ESPN: variants seen among roughly 807,000 people sequenced by gnomAD.
The protein encoded by ESPN is autosomal recessive deafness type 36 protein.
ESPN carries 68 observed loss-of-function variants against 77.7 expected under a neutral mutation model. That is an observed-to-expected ratio of 0.87 (90% CI 0.72 to 1.07). The LOEUF (loss-of-function observed/expected upper bound fraction) is 1.07, where lower values mean the gene tolerates loss of function less well. ESPN is among the 50% of genes least tolerant of loss of function. The probability of loss-of-function intolerance (pLI) is 0.00; values close to 1 mark genes in which losing one functional copy is unlikely to be tolerated. For missense variants in ESPN, 1,060 were observed against 1,239.0 expected, an observed-to-expected ratio of 0.86 and a Z score of 2.17; for synonymous variants, 449 against 567.1, an observed-to-expected ratio of 0.79 and a Z score of 2.96.
chr1:6,426,735 G>A (rs1469018395), intron 1 of ESPN, among the ~76,000 whole-genome samples: 2 of 152,270 alleles, frequency 1.3e-5, no homozygotes, highest in East Asian at 3.9e-4. Flanking sequence ...GCCTTTCTCA[G>A]GAGCTGGGGC....
chr1:6,442,223 G>T (rs1223221622), intron 5 of ESPN, among the ~76,000 whole-genome samples: 1 of 152,164 alleles, frequency 6.6e-6, no homozygotes, highest in African/African-American at 2.4e-5. Flanking sequence ...ACTTAGGCAG[G>T]CACCCTGCCG....
At chr1:6,435,847 G>T (rs1306100330) in intron 2 of ESPN, among the ~76,000 whole-genome samples, 2 of 152,252 alleles carry the variant, frequency 1.3e-5, no homozygotes, top group Admixed American at 6.5e-5. Context: ...CCAGGCACCA[G>T]GCCTGTGCTC....
Position 6,428,214 on chromosome 1 carries a change from C to G in ESPN, c.295-12C>G, listed in dbSNP as rs775353137. The G allele has an allele frequency of 2.5e-6, 4 of 1,613,478 alleles. No individual in the cohort carries two copies. In the East Asian group the frequency reaches 8.9e-5, roughly 36 times the overall value. ...ACAGGCTTTAGGACTTGAACCAGCT[C>G]TCCTCCCACAGGACAAAGACAATTC... is the stretch of plus-strand genomic sequence containing the variant. On this transcript the variant is annotated splice_polypyrimidine_tract_variant and intron_variant, in intron 1 of 12. Transcript: ENST00000645284. The surrounding 1 kb of genome is among the most constrained non-coding windows in gnomAD (Gnocchi z 5.4).
intron 10 of ESPN, chr1:6,456,382 G>A (rs554452425): frequency 2.7e-4 from 101 of 376,498 alleles, no homozygotes; most frequent in African/African-American, 1.2e-3. Context: ...GCTGTGGGGC[G>A]TTGGTCGGAT....
In ESPN at chr1:6,451,586, C is replaced by A; in HGVS notation, c.1916-17C>A. ...AGCCCCACCCTGGCCAGTGCCTCAT[C>A]TCCTGCCTCCGCATAGGCACCAAGT... On this transcript the variant is annotated splice_polypyrimidine_tract_variant and intron_variant, in intron 8 of 12. Coordinates refer to ENST00000645284, the MANE Select transcript of ESPN (RefSeq NM_031475.3). The surrounding 1 kb of genome is among the most constrained non-coding windows in gnomAD (Gnocchi z 4.3). 2 of 1,611,010 alleles carry A rather than the reference C, an allele frequency of 1.2e-6. No homozygotes were observed. The highest frequency in any genetic ancestry group is 1.3e-5 in the African/African-American group (1 of 75,032).
In ESPN at chr1:6,449,096, G is replaced by GT. The variant is rs1161234294; in HGVS notation, c.1915+6dup. On this transcript the variant is annotated splice_donor_region_variant and intron_variant, in intron 8 of 12. Coordinates refer to ENST00000645284, the MANE Select transcript of ESPN (RefSeq NM_031475.3). The stretch of plus-strand genomic sequence containing the variant: ...GCTCCTCCTCGTCCACCGGCAGTGA[G>GT]TAGGGGCAGGTTGAGGGGCGTGGGG... 5 of 1,479,714 alleles carry GT rather than the reference G, an allele frequency of 3.4e-6. No individual in the cohort carries two copies. Among genetic ancestry groups the GT allele is most frequent in the Non-Finnish European group, 4.5e-6 (5 of 1,121,918 alleles). 91.7% of individuals were successfully genotyped at this position (1,479,714 alleles called of 1,614,324 possible).
intron 7 of ESPN, 161 bp from the exon 8 acceptor site, chr1:6,448,480 C>T (rs1643889015): frequency 3.4e-6 from 2 of 589,056 alleles, no homozygotes; most frequent in South Asian, 2.2e-5. Flanking sequence ...GACCCTCGCC[C>T]GCTGCCCACT....
intron 1 of ESPN, among the ~76,000 whole-genome samples, chr1:6,425,852 A>G (rs1434148208): frequency 2.0e-5 from 3 of 152,184 alleles, no homozygotes; most frequent in Non-Finnish European, 4.4e-5. Context: ...AGTGACCTCC[A>G]AGGGGAGTCC....
chr1:6,431,693 G>T (rs1336206180), intron 2 of ESPN, among the ~76,000 whole-genome samples: 8 of 141,164 alleles, frequency 5.7e-5, no homozygotes, highest in Admixed American at 4.9e-4. Flanking sequence ...GGAAAGAAAA[G>T]AAAGAAAAGA....
At chr1:6,449,423 G>A (rs1337751368) in intron 8 of ESPN, among the ~76,000 whole-genome samples, 2 of 152,190 alleles carry the variant, frequency 1.3e-5, no homozygotes, top group Non-Finnish European at 2.9e-5. Context: ...CAGCTCTGGC[G>A]CTGGTGTTTC....
chr1:6,425,643 G>A (rs1643009202), intron 1 of ESPN, among the ~76,000 whole-genome samples: 1 of 152,258 alleles, frequency 6.6e-6, no homozygotes, highest in South Asian at 2.1e-4. Flanking sequence ...AGGAGGCTGG[G>A]CAAAGTCCCA....
chr1:6,441,172 G>A, intron 5 of ESPN, 107 bp downstream of exon 5: 5 of 1,468,414 alleles, frequency 3.4e-6, no homozygotes, highest in East Asian at 2.5e-5. Flanking sequence ...GTTCAGGGAC[G>A]TGAAGCCCGC....
At chr1:6,446,008 C>T (rs905134291) in intron 7 of ESPN, 73 bp downstream of exon 7, 105 of 1,477,870 alleles carry the variant, frequency 7.1e-5, no homozygotes, top group Non-Finnish European at 8.7e-5. Flanking sequence ...AGGCCAAAGG[C>T]CTGGCCTCAC....
Position 6,457,409 on chromosome 1 carries a change from C to G in ESPN, c.2417+37C>G, listed in dbSNP as rs188894254. 288 of 1,614,158 alleles carry G rather than the reference C, an allele frequency of 1.8e-4. No individual in the cohort carries two copies. The African/African-American group carries it at 3.3e-3, about 18-fold the overall frequency. On this transcript the variant is annotated intron_variant, in intron 12 of 12. Transcript: ENST00000645284. ...GCTGGCCCCAACCTGCCACCCTTATCCCCACCCAAGTCGCAGAGGGTCGTC... is the reference window on the plus strand; with the variant it reads ...GCTGGCCCCAACCTGCCACCCTTATGCCCACCCAAGTCGCAGAGGGTCGTC...
chr1:6,425,983 A>G (rs1247205196), intron 1 of ESPN, among the ~76,000 whole-genome samples: 1 of 152,208 alleles, frequency 6.6e-6, no homozygotes, highest in Non-Finnish European at 1.5e-5. Context: ...CTCAGGCATC[A>G]TGTTCAGAGT....
chr1:6,430,357 G>A (rs995495516), intron 2 of ESPN, among the ~76,000 whole-genome samples: 4 of 152,376 alleles, frequency 2.6e-5, no homozygotes, highest in African/African-American at 9.6e-5. Flanking sequence ...CACGGGACGA[G>A]GAAGTGACAC....
intron 1 of ESPN, among the ~76,000 whole-genome samples, chr1:6,425,532 C>T (rs1463473613): frequency 6.6e-6 from 1 of 152,222 alleles, no homozygotes; most frequent in East Asian, 1.9e-4. Context: ...TAGTGTGTAC[C>T]GGGAGAAGCA....
At position 6,451,682 on chromosome 1, in the gene ESPN, G is replaced by C; in HGVS notation, c.1995G>C (p.Leu665=). ...CTGAGATTAAGGCAGGCAAGAGCCT[G>C]AAGCCGACGCCCCAGAGCAAGGGGC... ...LLAEIKAGKS[L]KPTPQSKGLT... is the part of the protein sequence containing the mutation. Residue 665 remains leucine, a synonymous_variant, in exon 9 of 13, where the codon CTG becomes CTC. Transcript: ENST00000645284. This position sits in a 1 kb window ranked among gnomAD's most constrained non-coding sequence, Gnocchi z 4.3. 2 of 1,613,172 alleles carry C rather than the reference G, an allele frequency of 1.2e-6. No homozygotes were observed. Among genetic ancestry groups the C allele is most frequent in the African/African-American group, 2.7e-5 (2 of 75,066 alleles).
At chr1:6,448,421 C>A in intron 7 of ESPN, 1 of 520,650 alleles carries the variant, frequency 1.9e-6, no homozygotes, top group Non-Finnish European at 3.4e-6. Flanking sequence ...GTGCCCAGAA[C>A]CCCTCCCTGT....
Sources: gnomAD v4.1 joint callset for allele counts (sites outside exome capture counted in the v4.1 genomes callset) on GRCh38, gnomAD v4.1.1 for gene constraint, Gnocchi (gnomAD v3.1) non-coding constraint, MANE v1.5 for transcripts, NCBI Gene and HGNC (gene_info 2026-07-23, HGNC 2026-07-21) for gene names.